Variants in LDLRAD4 observed in about 807,000 individuals in gnomAD.
The protein encoded by LDLRAD4 is low density lipoprotein receptor class A domain containing 4, also known as low-density lipoprotein receptor class A domain-containing protein 4.
Under a neutral mutation model 17.0 loss-of-function variants are expected in LDLRAD4, and 5 were observed. The observed-to-expected ratio is 0.29, with a 90% CI of 0.15 to 0.62. The LOEUF is 0.62. LDLRAD4 is among the 20% of genes least tolerant of loss of function. The probability of loss-of-function intolerance (pLI) is 0.84; values close to 1 mark genes in which losing one functional copy is unlikely to be tolerated. For missense variants in LDLRAD4, 340 were observed against 424.7 expected (o/e 0.80, Z 1.75); for synonymous variants, 168 against 171.8 (o/e 0.98, Z 0.17).
intron 2 of LDLRAD4, among the ~76,000 whole-genome samples, chr18:13,408,970 A>G (rs996327872): frequency 6.6e-6 from 1 of 152,050 alleles, no homozygotes; most frequent in Admixed American, 6.6e-5. Flanking sequence ...TGATGATTAC[A>G]TCATTTGGCT....
At chr18:13,436,038 C>A (rs1038950928) in intron 2 of LDLRAD4, among the ~76,000 whole-genome samples, 4 of 152,208 alleles carry the variant, frequency 2.6e-5, no homozygotes, top group African/African-American at 9.6e-5. Context: ...TTATGAGGCT[C>A]AGATCAAATT....
intron 2 of LDLRAD4, among the ~76,000 whole-genome samples, chr18:13,430,345 GAGA>G (rs2090246715): frequency 6.6e-6 from 1 of 152,206 alleles, no homozygotes; most frequent in South Asian, 2.1e-4. Flanking sequence ...GCAAAATCAC[GAGA>G]AGGTTATGCG....
At chr18:13,542,076 TA>T (rs938684426) in intron 3 of LDLRAD4, among the ~76,000 whole-genome samples, 2 of 151,920 alleles carry the variant, frequency 1.3e-5, no homozygotes, top group Non-Finnish European at 2.9e-5. Context: ...ACCCTGATTC[TA>T]AAAAAGGAAA....
At chr18:13,458,518 A>G (rs2092267066) in intron 3 of LDLRAD4, among the ~76,000 whole-genome samples, 1 of 152,240 alleles carries the variant, frequency 6.6e-6, no homozygotes, top group Admixed American at 6.5e-5. Flanking sequence ...ATTTTGAAAC[A>G]TTCACTGCTT....
At chr18:13,388,427 C>G (rs79601113) in intron 2 of LDLRAD4, among the ~76,000 whole-genome samples, 2 of 152,172 alleles carry the variant, frequency 1.3e-5, no homozygotes, top group African/African-American at 4.8e-5. Flanking sequence ...TCTGGCTCCT[C>G]GTAGACAGAC....
rs993310285 is a variant in LDLRAD4 at position 13,621,697 on chromosome 18, TCGTCAC to T, written c.336+427_336+432del. Among the ~76,000 whole-genome samples, 8 of 152,298 alleles carry T rather than the reference TCGTCAC, an allele frequency of 5.3e-5. No individual in the cohort carries two copies. Among genetic ancestry groups the T allele is most frequent in the African/African-American group, 1.7e-4 (7 of 41,560 alleles). On this transcript the variant is annotated intron_variant, in intron 4 of 5. Transcript: ENST00000359446. This position sits in a 1 kb window ranked among gnomAD's most constrained non-coding sequence, Gnocchi z 5.5. Reference sequence around the variant, plus strand: ...GCTGCGGGGACAAATCACGCGCTCATCGTCACTAAACGTGCCGGCAGCACATGGGTG... The same window carrying T: ...GCTGCGGGGACAAATCACGCGCTCATTAAACGTGCCGGCAGCACATGGGTG...
chr18:13,565,953 C>G (rs931514035), intron 3 of LDLRAD4, among the ~76,000 whole-genome samples: 2 of 152,220 alleles, frequency 1.3e-5, no homozygotes, highest in Admixed American at 1.3e-4. Context: ...AAACACAAGC[C>G]GAGCTGCTGC....
chr18:13,405,760 C>A (rs2087681290), intron 2 of LDLRAD4, among the ~76,000 whole-genome samples: 1 of 152,066 alleles, frequency 6.6e-6, no homozygotes, highest in Non-Finnish European at 1.5e-5. Context: ...GCGTTTTCAC[C>A]ATTGGAATTG....
chr18:13,322,994 C>T (rs567386015), intron 1 of LDLRAD4, among the ~76,000 whole-genome samples: 8 of 152,234 alleles, frequency 5.3e-5, no homozygotes, highest in Non-Finnish European at 8.8e-5. Context: ...GTCACACAAA[C>T]GCTTTGACTC....
intron 3 of LDLRAD4, among the ~76,000 whole-genome samples, chr18:13,569,084 A>C (rs2094648365): frequency 6.6e-6 from 1 of 152,242 alleles, no homozygotes; most frequent in Admixed American, 6.5e-5. Flanking sequence ...AAAAATGATT[A>C]TAAGAAGCTA....
rs1412957230 is a variant in LDLRAD4, at chr18:13,398,294, G to A, written c.40+10532G>A. Among the ~76,000 whole-genome samples, 2 of 152,114 alleles carry A rather than the reference G, an allele frequency of 1.3e-5. No individual in the cohort carries two copies. Among genetic ancestry groups the A allele is most frequent in the East Asian group, 1.9e-4 (1 of 5,194 alleles). On this transcript the variant is annotated intron_variant, in intron 2 of 5. Coordinates refer to ENST00000359446, the Ensembl canonical transcript of LDLRAD4. The surrounding 1 kb of genome is among the most constrained non-coding windows in gnomAD (Gnocchi z 4.8). ...GTGTACCTTAGATAACCTCACTGGC[G>A]TTTGTCATTCTGCTTTTGGAATGCT... is the stretch of plus-strand genomic sequence containing the variant.
At chr18:13,360,798 G>A (rs1237049143) in intron 1 of LDLRAD4, among the ~76,000 whole-genome samples, 1 of 152,222 alleles carries the variant, frequency 6.6e-6, no homozygotes, top group Non-Finnish European at 1.5e-5. Flanking sequence ...GGCATGGTAT[G>A]TACCACTTTG....
At chr18:13,428,104 T>C (rs1401314831) in intron 2 of LDLRAD4, among the ~76,000 whole-genome samples, 3 of 152,242 alleles carry the variant, frequency 2.0e-5, no homozygotes, top group Non-Finnish European at 4.4e-5. Flanking sequence ...TCATGTAGTT[T>C]ATGCTCTAAT....
intron 1 of LDLRAD4, among the ~76,000 whole-genome samples, chr18:13,311,880 G>A (rs2047254395): frequency 6.8e-6 from 1 of 146,818 alleles, no homozygotes; most frequent in African/African-American, 2.5e-5. Flanking sequence ...TGCCCAGGCT[G>A]GAGTGCAGTG....
intron 1 of LDLRAD4, among the ~76,000 whole-genome samples, chr18:13,261,232 C>T (rs1023145944): frequency 3.3e-5 from 5 of 152,236 alleles, no homozygotes; most frequent in Non-Finnish European, 7.3e-5. Flanking sequence ...CCTAACATTC[C>T]ATTTACTGGT....
At chr18:13,641,379 A>T (rs2042538641) in intron 4 of LDLRAD4, among the ~76,000 whole-genome samples, 1 of 152,260 alleles carries the variant, frequency 6.6e-6, no homozygotes, top group Non-Finnish European at 1.5e-5. Flanking sequence ...ATAGGCAGAG[A>T]CAAATGGATA....
intron 3 of LDLRAD4, among the ~76,000 whole-genome samples, chr18:13,553,722 G>A (rs900338442): frequency 2.0e-5 from 3 of 152,118 alleles, no homozygotes; most frequent in African/African-American, 7.2e-5. Context: ...TGATAACCGC[G>A]TCTGTCCTTC....
intron 1 of LDLRAD4, among the ~76,000 whole-genome samples, chr18:13,374,954 A>C (rs1003572313): frequency 9.9e-5 from 15 of 152,148 alleles, no homozygotes; most frequent in Admixed American, 1.3e-4. Context: ...GCAGGCGTCT[A>C]GCCACCCAGC....
rs989423587 is a variant in LDLRAD4, at chr18:13,345,995, G to A, written c.-382-41346G>A. 4.6e-5 allele frequency among the ~76,000 whole-genome samples: 7 copies of A among 151,996 alleles called. No homozygotes were observed. The East Asian group carries it at 5.8e-4, about 13-fold the overall frequency. On this transcript the variant is annotated intron_variant, in intron 1 of 5. Coordinates refer to ENST00000359446, the Ensembl canonical transcript of LDLRAD4. ...TTTCTTCTTTATTAGTCTTGCTAGCGGTCTATCAATGTTGTTGATCTTTTC... is the reference window on the plus strand; with the variant it reads ...TTTCTTCTTTATTAGTCTTGCTAGCAGTCTATCAATGTTGTTGATCTTTTC...
Sources: allele counts gnomAD v4.1 joint callset (sites outside exome capture counted in the v4.1 genomes callset), GRCh38; gene constraint gnomAD v4.1.1; non-coding constraint Gnocchi (gnomAD v3.1); transcripts MANE v1.5; gene names NCBI Gene and HGNC (gene_info 2026-07-23, HGNC 2026-07-21).